The following PCDHA6 variants were observed in gnomAD, a reference collection of about 807,000 sequenced individuals.
PCDHA6 encodes the protein protocadherin alpha 6.
Under a neutral mutation model 60.3 loss-of-function variants are expected in PCDHA6, and 55 were observed. The observed-to-expected ratio is 0.91, with a 90% CI of 0.73 to 1.14. The LOEUF (loss-of-function observed/expected upper bound fraction) is 1.14. PCDHA6 is among the 50% of genes most tolerant of loss of function. The pLI is 0.00. For synonymous variants in PCDHA6, 652 were observed against 557.9 expected (o/e 1.17, Z -2.38); for missense variants, 1,327 against 1,256.5 (o/e 1.06, Z -0.85).
At chr5:141,009,528 G>A in intron 3 of PCDHA6, 99 bp from the exon 4 acceptor site, 4 of 1,508,216 alleles carry the variant, frequency 2.7e-6, no homozygotes, top group Non-Finnish European at 3.5e-6. Flanking sequence ...TTCTGGGGAG[G>A]TTCAGCCTGC....
Position 140,969,016 on chromosome 5 carries a change from A to C in PCDHA6, c.2395-9933A>C. Reference sequence around the variant, plus strand: ...GTGGAGGCTTCTGTGGAGTAAGGGAAAGGTCCCCTGCAGAACTGTACAAAC... The same window carrying C: ...GTGGAGGCTTCTGTGGAGTAAGGGACAGGTCCCCTGCAGAACTGTACAAAC... On this transcript the variant is annotated intron_variant, in intron 1 of 3. Coordinates refer to ENST00000529310, the MANE Select transcript of PCDHA6 (RefSeq NM_018909.4). 6.2e-7 allele frequency: 1 copy of C among 1,614,172 alleles called. No homozygotes were observed. Among genetic ancestry groups the C allele is most frequent in the South Asian group, 1.1e-5 (1 of 91,072 alleles).
intron 3 of PCDHA6, among the ~76,000 whole-genome samples, chr5:141,006,466 G>T (rs2153987717): frequency 6.6e-6 from 1 of 152,178 alleles, no homozygotes; most frequent in South Asian, 2.1e-4. Context: ...GCCTGTCTCG[G>T]CCTCCCAAAG....
At chr5:140,988,157 G>A (rs1344911037) in intron 3 of PCDHA6, among the ~76,000 whole-genome samples, 5 of 152,014 alleles carry the variant, frequency 3.3e-5, no homozygotes, top group African/African-American at 7.3e-5. Context: ...AACTTCTGCC[G>A]TTGTCATAGC....
chr5:140,882,054 C>T, intron 1 of PCDHA6: 1 of 781,668 alleles, frequency 1.3e-6, no homozygotes. Context: ...CATACTTACA[C>T]TTACACGTTC....
intron 1 of PCDHA6, among the ~76,000 whole-genome samples, chr5:140,959,785 C>T (rs976645506): frequency 3.5e-4 from 53 of 152,280 alleles, no homozygotes; most frequent in African/African-American, 1.2e-3. Context: ...TGTATATTAA[C>T]ATGGCTAATT....
chr5:140,863,001 C>A, intron 1 of PCDHA6: 1 of 550,202 alleles, frequency 1.8e-6, no homozygotes, highest in South Asian at 1.4e-5. Context: ...ACGGTGGACT[C>A]CAGCTATGAC....
At chr5:140,873,657 C>CTA in intron 1 of PCDHA6, among the ~76,000 whole-genome samples, 1 of 152,206 alleles carries the variant, frequency 6.6e-6, no homozygotes, top group South Asian at 2.1e-4. Context: ...ACATAACACA[C>CTA]TATTATTATT....
Position 140,888,304 on chromosome 5 carries a change from T to C in PCDHA6, c.2394+57819T>C, listed in dbSNP as rs560267265. Among the ~76,000 whole-genome samples the C allele has an allele frequency of 9.2e-5, 14 of 152,272 alleles. No homozygotes were observed. The South Asian group carries it at 2.7e-3, about 29-fold the overall frequency. On this transcript the variant is annotated intron_variant, in intron 1 of 3. Transcript: ENST00000529310. The stretch of plus-strand genomic sequence containing the variant: ...CCTCTACCCCCTACCCAGGAGATAA[T>C]TTGGCAATGCCTGGATACATTTTTG...
At chr5:140,856,416 A>C in intron 1 of PCDHA6, 1 of 1,598,486 alleles carries the variant, frequency 6.3e-7, no homozygotes, top group South Asian at 1.1e-5. Context: ...GTGGAAGTGA[A>C]GGACATTAAC....
At chr5:140,941,401 C>T (rs1200707950) in intron 1 of PCDHA6, among the ~76,000 whole-genome samples, 1 of 149,796 alleles carries the variant, frequency 6.7e-6, no homozygotes, top group Non-Finnish European at 1.5e-5. Flanking sequence ...ACTGCAACCT[C>T]CGCCTCCCGG....
At chr5:140,939,897 T>G (rs1563176465) in intron 1 of PCDHA6, among the ~76,000 whole-genome samples, 1 of 152,230 alleles carries the variant, frequency 6.6e-6, no homozygotes. Flanking sequence ...TCAAATATTC[T>G]GCATTCTTTT....
chr5:140,999,786 G>A (rs1050666056), intron 3 of PCDHA6, among the ~76,000 whole-genome samples: 4 of 152,120 alleles, frequency 2.6e-5, no homozygotes, highest in African/African-American at 9.7e-5. Flanking sequence ...CCTAGAAATG[G>A]CAGAGTTATT....
intron 1 of PCDHA6, chr5:140,850,767 G>A: frequency 1.3e-6 from 2 of 1,598,126 alleles, no homozygotes; most frequent in Admixed American, 1.7e-5. Flanking sequence ...GAGGCAGAGG[G>A]TGTGCTCTGG....
intron 1 of PCDHA6, among the ~76,000 whole-genome samples, chr5:140,950,831 TTAAGAC>T (rs1337916001): frequency 6.6e-6 from 1 of 152,128 alleles, no homozygotes; most frequent in Non-Finnish European, 1.5e-5. Flanking sequence ...GTTTGGTCCT[TTAAGAC>T]TATACATTTC....
Position 140,923,432 on chromosome 5 carries a change from G to A in PCDHA6, c.2395-55517G>A, listed in dbSNP as rs116357562. Among the ~76,000 whole-genome samples, 1,228 of 152,230 alleles carry A rather than the reference G, an allele frequency of 8.1e-3. 6 individuals are homozygous for A. The highest frequency in any genetic ancestry group is 0.019 in the African/African-American group (793 of 41,542). The stretch of plus-strand genomic sequence containing the variant: ...AATCCTGGCTACTTGGGAGGCTGGG[G>A]TGGGAGGATCACCTGAGCCCAGAGA... On this transcript the variant is annotated intron_variant, in intron 1 of 3. Transcript: ENST00000529310.
chr5:140,994,072 G>T (rs1587604928), intron 3 of PCDHA6, among the ~76,000 whole-genome samples: 1 of 152,242 alleles, frequency 6.6e-6, no homozygotes, highest in East Asian at 1.9e-4. Flanking sequence ...TAATGGTGAA[G>T]GGAGAAATGT....
chr5:140,898,733 A>C (rs1401773719), intron 1 of PCDHA6, among the ~76,000 whole-genome samples: 1 of 152,154 alleles, frequency 6.6e-6, no homozygotes, highest in Non-Finnish European at 1.5e-5. Flanking sequence ...GAAGAAAGTC[A>C]TTGGTAGCTT....
intron 1 of PCDHA6, chr5:140,968,662 C>CT (rs781816838): frequency 1.2e-6 from 2 of 1,614,158 alleles, no homozygotes; most frequent in South Asian, 2.2e-5. Context: ...ACCTGGACCT[C>CT]TTTAAGGTAG....
At position 140,884,782 on chromosome 5, in the gene PCDHA6, A is replaced by T. The variant is rs2060354278; in HGVS notation, c.2394+54297A>T. ...TCTTTACTTTAATTTTAATTTTGCTAGTTGTTATCGAATTTAACAACTCTG... is the reference window on the plus strand; with the variant it reads ...TCTTTACTTTAATTTTAATTTTGCTTGTTGTTATCGAATTTAACAACTCTG... On this transcript the variant is annotated intron_variant, in intron 1 of 3. Coordinates refer to ENST00000529310, the MANE Select transcript of PCDHA6 (RefSeq NM_018909.4). 8 of 1,395,472 alleles carry T rather than the reference A, an allele frequency of 5.7e-6. 1 individual carries two copies. The highest frequency in any genetic ancestry group is 3.3e-5 in the South Asian group (2 of 60,762). 86.4% of individuals were successfully genotyped at this position (1,395,472 alleles called of 1,614,324 possible). A position where few individuals can be genotyped will look rare whatever the true frequency, so the allele number is the denominator to read the frequency against.
Sources: allele counts gnomAD v4.1 joint callset (sites outside exome capture counted in the v4.1 genomes callset), GRCh38; gene constraint gnomAD v4.1.1; transcripts MANE v1.5; gene names NCBI Gene and HGNC (gene_info 2026-07-23, HGNC 2026-07-21).